The following MGARP variants were observed in gnomAD, a reference collection of about 807,000 sequenced individuals.
The protein encoded by MGARP is mitochondria localized glutamic acid rich protein, also known as protein MGARP.
MGARP carries 12 observed loss-of-function variants against 11.0 expected under a neutral mutation model. The observed-to-expected ratio is 1.09, with a 90% CI of 0.70 to 1.77. MGARP has a LOEUF of 1.77. Among genes scored for constraint, MGARP ranks in the 40% most tolerant of loss-of-function variants. The probability of loss-of-function intolerance (pLI) is 0.00; values close to 1 mark genes in which losing one functional copy is unlikely to be tolerated. For missense variants in MGARP, 283 were observed against 297.8 expected (o/e 0.95, Z 0.36); for synonymous variants, 110 against 115.4 (o/e 0.95, Z 0.30).
chr4:139,268,990 G>A (rs1246000297), intron 2 of MGARP, among the ~76,000 whole-genome samples: 1 of 152,140 alleles, frequency 6.6e-6, no homozygotes, highest in Non-Finnish European at 1.5e-5. Context: ...GGTGAGACAG[G>A]GGATGAGGAG....
chr4:139,276,363 T>C (rs867188864), intron 1 of MGARP, among the ~76,000 whole-genome samples: 32 of 152,174 alleles, frequency 2.1e-4, no homozygotes, highest in Middle Eastern at 3.4e-3. Flanking sequence ...ATGTAATAAG[T>C]GTTAAGCCAA....
At position 139,275,340 on chromosome 4, in the gene MGARP, A is replaced by G. The variant is rs774615615; in HGVS notation, c.135T>C (p.Asn45=). Residue 45 remains asparagine, a synonymous_variant, in exon 2 of 4, where the codon AAT becomes AAC. Coordinates refer to ENST00000398955, the MANE Select transcript of MGARP (RefSeq NM_032623.4). ...CGCCTACAACCAGATAATAAATCATATTTGATCCAGATGATCCAGGGAATC... is the reference window on the plus strand; with the variant it reads ...CGCCTACAACCAGATAATAAATCATGTTTGATCCAGATGATCCAGGGAATC... ...SNRFPGSSGS[N]MIYYLVVGVT... 1.8e-5 allele frequency: 29 copies of G among 1,614,122 alleles called. No individual in the cohort carries two copies. The highest frequency in any genetic ancestry group is 2.5e-5 in the Non-Finnish European group (29 of 1,179,988).
rs548031389 is a variant in MGARP at position 139,272,844 on chromosome 4, C to T, written c.186+2445G>A. Among the ~76,000 whole-genome samples, 24 of 151,664 alleles carry T rather than the reference C, an allele frequency of 1.6e-4. No individual in the cohort carries two copies. The South Asian group carries it at 4.6e-3, about 29-fold the overall frequency. On this transcript the variant is annotated intron_variant, in intron 2 of 3. Transcript: ENST00000398955. ...GGGATTACAGGTGCCCGCCACCACG[C>T]CCGGCTAATTTTTGTATTTTTAGTA...
chr4:139,277,463 T>A (rs897747292), intron 1 of MGARP, among the ~76,000 whole-genome samples: 4 of 152,188 alleles, frequency 2.6e-5, no homozygotes, highest in Non-Finnish European at 5.9e-5. Context: ...TATATAGCCT[T>A]CATATTTCTC....
chr4:139,278,125 G>T (rs1744899375), intron 1 of MGARP, among the ~76,000 whole-genome samples: 2 of 152,100 alleles, frequency 1.3e-5, no homozygotes, highest in Non-Finnish European at 2.9e-5. Context: ...TACTCCGGAG[G>T]CTGAGGCAGG....
At position 139,280,178 on chromosome 4, in the gene MGARP, G is replaced by A. The variant is rs1268008885; in HGVS notation, c.-20C>T. The stretch of plus-strand genomic sequence containing the variant: ...ATACATCGCGCCCGCTGTCCGCCGC[G>A]CAGCAGCCTCGGTACCCAGGCGCAG... On this transcript the variant is annotated 5_prime_UTR_variant, in exon 1 of 4. Coordinates refer to ENST00000398955, the MANE Select transcript of MGARP (RefSeq NM_032623.4). The A allele has an allele frequency of 1.2e-6, 2 of 1,601,164 alleles. No individual in the cohort carries two copies.
rs1258613007 is a variant in MGARP, at chr4:139,277,050, A to G, written c.83-1658T>C. On this transcript the variant is annotated intron_variant, in intron 1 of 3. Transcript: ENST00000398955. ...TATTTTGAATAATTTTGTGCTTGAA[A>G]CAAAGTTTGTGTTAAGTACTTACAT... Among the ~76,000 whole-genome samples the G allele has an allele frequency of 3.3e-5, 5 of 152,192 alleles. 1 individual carries two copies. The highest frequency in any genetic ancestry group is 5.9e-5 in the Non-Finnish European group (4 of 68,036).
At position 139,280,215 on chromosome 4, in the gene MGARP, A is replaced by C. The variant is rs1381355371; in HGVS notation, c.-57T>G. ...GTACCCAGGCGCAGGCTGCCCTTCC[A>C]CAGAGAGGCTGAGAGCCTGGCAGCG... On this transcript the variant is annotated 5_prime_UTR_variant, in exon 1 of 4. Transcript: ENST00000398955. 1 of 1,529,648 alleles carries C rather than the reference A, an allele frequency of 6.5e-7. No individual in the cohort carries two copies. The highest frequency in any genetic ancestry group is 1.9e-5 in the Admixed American group (1 of 52,706). The allele number at this position is 1,529,648 out of a possible 1,614,324, so 94.8% of individuals were successfully genotyped here. A position where few individuals can be genotyped will look rare whatever the true frequency, so the allele number is the denominator to read the frequency against.
intron 2 of MGARP, among the ~76,000 whole-genome samples, chr4:139,272,357 C>G (rs1744796222): frequency 6.6e-6 from 1 of 151,802 alleles, no homozygotes; most frequent in Non-Finnish European, 1.5e-5. Flanking sequence ...GAGATCAAGA[C>G]CATACTGGCT....
At chr4:139,274,546 T>C (rs1262047094) in intron 2 of MGARP, among the ~76,000 whole-genome samples, 39 of 152,260 alleles carry the variant, frequency 2.6e-4, no homozygotes, top group Non-Finnish European at 1.5e-5. Context: ...TGCCATGATG[T>C]GATCTTGGCT....
At chr4:139,276,016 A>G (rs1166574210) in intron 1 of MGARP, among the ~76,000 whole-genome samples, 1 of 152,244 alleles carries the variant, frequency 6.6e-6, no homozygotes, top group Non-Finnish European at 1.5e-5. Context: ...TAATAGAAAC[A>G]GATAAAGGTA....
At chr4:139,276,485 T>C (rs1744875852) in intron 1 of MGARP, among the ~76,000 whole-genome samples, 3 of 152,074 alleles carry the variant, frequency 2.0e-5, no homozygotes, top group South Asian at 4.2e-4. Context: ...AGGCAGAAGG[T>C]GTAACGTATA....
At chr4:139,274,820 C>A (rs1303718755) in intron 2 of MGARP, among the ~76,000 whole-genome samples, 25 of 152,148 alleles carry the variant, frequency 1.6e-4, no homozygotes, top group Admixed American at 1.2e-3. Context: ...CAAAATAATT[C>A]TTTTAAAATG....
chr4:139,278,125 G>A (rs1744899375), intron 1 of MGARP, among the ~76,000 whole-genome samples: 1 of 152,100 alleles, frequency 6.6e-6, no homozygotes, highest in African/African-American at 2.4e-5. Flanking sequence ...TACTCCGGAG[G>A]CTGAGGCAGG....
chr4:139,266,888 G>A lies in MGARP; in HGVS notation c.434C>T (p.Ala145Val), dbSNP rs994593008. ...EASACPGHVE[A>V]APETTAVSAE... ...ACTGACTGCTGTGGTCTCCGGAGCA[G>A]CCTCCACGTGACCTGGACAGGCAGA... The change falls in exon 4 of 4, where the codon GCT (alanine) becomes GTT (valine). Residue 145 changes from alanine to valine, a missense_variant. Ala to Val is a moderately conservative substitution (Grantham distance 64). Coordinates refer to ENST00000398955, the MANE Select transcript of MGARP (RefSeq NM_032623.4). The A allele has an allele frequency of 3.1e-6, 5 of 1,614,180 alleles. No homozygotes were observed. The highest frequency in any genetic ancestry group is 4.2e-6 in the Non-Finnish European group (5 of 1,180,038).
chr4:139,266,408 A>G lies in MGARP; in HGVS notation c.*191T>C, dbSNP rs1433150783. 1.0e-5 allele frequency: 6 copies of G among 586,754 alleles called. No homozygotes were observed. The highest frequency in any genetic ancestry group is 1.8e-5 in the Non-Finnish European group (6 of 334,168). The allele number at this position is 586,754 out of a possible 1,614,324, so 36.3% of individuals were successfully genotyped here. A position where few individuals can be genotyped will look rare whatever the true frequency, so the allele number is the denominator to read the frequency against. On this transcript the variant is annotated 3_prime_UTR_variant, in exon 4 of 4. Coordinates refer to ENST00000398955, the MANE Select transcript of MGARP (RefSeq NM_032623.4). ...ATATTCTGATCTCAGACAGTAGAAG[A>G]GTAGTAAGAAATGTACAATCTCAAG...
intron 1 of MGARP, among the ~76,000 whole-genome samples, chr4:139,278,120 C>T (rs972076197): frequency 6.6e-6 from 1 of 151,870 alleles, no homozygotes; most frequent in Non-Finnish European, 1.5e-5. Flanking sequence ...CCAGCTACTC[C>T]GGAGGCTGAG....
chr4:139,268,680 G>T lies in MGARP; in HGVS notation c.272C>A (p.Pro91Gln). The T allele has an allele frequency of 6.3e-7, 1 of 1,598,516 alleles. No homozygotes were observed. The change falls in exon 3 of 4, where the codon CCA becomes CAA. Residue 91 changes from proline (P) to glutamine (Q), a missense_variant. Physicochemically the swap from Pro to Gln is moderately conservative, Grantham distance 76. Coordinates refer to ENST00000398955, the MANE Select transcript of MGARP (RefSeq NM_032623.4). ...LKEKTKAEIH[P>Q]FQGEKENVAE... ...TTAAGAAATTCATTTACCTTGAAAT[G>T]GATGTATCTCTGCTTTTGTTTTTTC...
intron 1 of MGARP, among the ~76,000 whole-genome samples, chr4:139,277,245 G>A (rs887841805): frequency 1.2e-4 from 18 of 152,188 alleles, no homozygotes; most frequent in African/African-American, 3.9e-4. Flanking sequence ...TGCACAGGGC[G>A]AATCTTAAGG....
Sources: allele counts gnomAD v4.1 joint callset (sites outside exome capture counted in the v4.1 genomes callset), GRCh38; gene constraint gnomAD v4.1.1; transcripts MANE v1.5; gene names NCBI Gene and HGNC (gene_info 2026-07-23, HGNC 2026-07-21).